The following RASGRP3 variants were observed in gnomAD, a reference collection of about 807,000 sequenced individuals.
RASGRP3 encodes RAS guanyl releasing protein 3, also known as ras guanyl-releasing protein 3.
RASGRP3 carries 54 observed loss-of-function variants against 82.7 expected under a neutral mutation model. The observed-to-expected ratio is 0.65, with a 90% confidence interval of 0.52 to 0.82. The LOEUF (loss-of-function observed/expected upper bound fraction) is 0.82. Among genes scored for constraint, RASGRP3 ranks in the 40% least tolerant of loss-of-function variants. The pLI is 0.00. For missense variants in RASGRP3, 861 were observed against 828.9 expected (o/e 1.04, Z -0.48); for synonymous variants, 309 against 300.5 (o/e 1.03, Z -0.29).
intron 15 of RASGRP3, among the ~76,000 whole-genome samples, chr2:33,557,950 A>C (rs1346529734): frequency 1.3e-5 from 2 of 152,146 alleles, no homozygotes; most frequent in African/African-American, 2.4e-5. Flanking sequence ...CTCCCTAGGC[A>C]CAATTGCTCA....
chr2:33,473,180 G>A (rs565570019), upstream of RASGRP3, among the ~76,000 whole-genome samples: 2 of 152,268 alleles, frequency 1.3e-5, no homozygotes, highest in East Asian at 1.9e-4. Context: ...GGCTAACATG[G>A]TGAAACCCCA....
intron 1 of RASGRP3, among the ~76,000 whole-genome samples, chr2:33,440,233 G>A (rs541324438): frequency 1.3e-5 from 2 of 152,214 alleles, no homozygotes; most frequent in South Asian, 2.1e-4. Context: ...AAATAAAAAC[G>A]ACAACATTTA....
chr2:33,517,206 A>G (rs1215458249), intron 4 of RASGRP3, among the ~76,000 whole-genome samples: 1 of 152,244 alleles, frequency 6.6e-6, no homozygotes, highest in Non-Finnish European at 1.5e-5. Context: ...CATGGTTAGA[A>G]ACACCATTCC....
chr2:33,554,463 G>A (rs559400740), intron 14 of RASGRP3, among the ~76,000 whole-genome samples: 87 of 152,138 alleles, frequency 5.7e-4, no homozygotes, highest in Non-Finnish European at 8.4e-4. Flanking sequence ...GCACAGAAGG[G>A]CATGGCAAGG....
chr2:33,537,328 C>CACA (rs61435746), intron 11 of RASGRP3, among the ~76,000 whole-genome samples: 2,203 of 66,418 alleles, frequency 0.033, 185 homozygotes, highest in East Asian at 0.064. Flanking sequence ...ACACCGCCCC[C>CACA]CCCACACACA....
intron 1 of RASGRP3, among the ~76,000 whole-genome samples, chr2:33,438,095 T>A (rs1665020592): frequency 6.6e-6 from 1 of 152,250 alleles, no homozygotes; most frequent in South Asian, 2.1e-4. Context: ...CAAAACAACG[T>A]TCACATTTGA....
chr2:33,453,059 G>T (rs1335505015), intron 2 of RASGRP3, among the ~76,000 whole-genome samples: 4 of 152,174 alleles, frequency 2.6e-5, no homozygotes, highest in African/African-American at 9.7e-5. Flanking sequence ...CCCCTTGGGG[G>T]AGGGATGATA....
intron 2 of RASGRP3, among the ~76,000 whole-genome samples, chr2:33,467,988 CTTTCTTTCTTTCTT>C (rs1293061304): frequency 3.8e-5 from 1 of 26,300 alleles, no homozygotes; most frequent in Non-Finnish European, 7.5e-5. Flanking sequence ...CTTTTTCTTT[CTTTCTTTCTTTCTT>C]TCTTTCTTTC....
At chr2:33,475,851 G>A (rs191295646), upstream of RASGRP3, among the ~76,000 whole-genome samples, 4 of 152,346 alleles carry the variant, frequency 2.6e-5, no homozygotes, top group East Asian at 3.9e-4. Flanking sequence ...GCAGTAGTGC[G>A]TCTGTAAAGC....
chr2:33,554,213 G>T (rs1457550757), intron 14 of RASGRP3, among the ~76,000 whole-genome samples: 3 of 152,086 alleles, frequency 2.0e-5, no homozygotes, highest in Non-Finnish European at 4.4e-5. Context: ...AGCGGGCCAT[G>T]CTGCCCACAT....
In RASGRP3 at chr2:33,552,277, G is replaced by T. The variant is rs62149028; in HGVS notation, c.1542+2526G>T. On this transcript the variant is annotated intron_variant, in intron 14 of 17. Transcript: ENST00000403687. ...TTGCCCTTGCTAACTCTATGTCCTT[G>T]ACCAAGTTATTCACCATCTTTGGGT... Among the ~76,000 whole-genome samples, 698 of 152,286 alleles carry T rather than the reference G, an allele frequency of 4.6e-3. 2 individuals are homozygous for T. Among genetic ancestry groups the T allele is most frequent in the Non-Finnish European group, 7.2e-3 (490 of 68,016 alleles).
chr2:33,550,600 G>T (rs1675262165), intron 14 of RASGRP3, among the ~76,000 whole-genome samples: 1 of 152,296 alleles, frequency 6.6e-6, no homozygotes, highest in South Asian at 2.1e-4. Flanking sequence ...GGGAAATGTG[G>T]TATTCCAGGT....
intron 6 of RASGRP3, 92 bp downstream of exon 6, chr2:33,520,776 C>A: frequency 6.6e-7 from 1 of 1,514,682 alleles, no homozygotes; most frequent in Non-Finnish European, 9.0e-7. Flanking sequence ...GTCCATCCCA[C>A]TCCTGAATCC....
rs537058064 is a variant in RASGRP3 at position 33,495,694 on chromosome 2, C to T, written c.-260-16016C>T. ...ACTGCTTGAGCCCAGGAATCTGAGACCAGTCAGGGAAACATAATGAGACTT... is the reference window on the plus strand; with the variant it reads ...ACTGCTTGAGCCCAGGAATCTGAGATCAGTCAGGGAAACATAATGAGACTT... On this transcript the variant is annotated intron_variant, in intron 1 of 17. Coordinates refer to ENST00000403687, the MANE Select transcript of RASGRP3 (RefSeq NM_001139488.2). Among the ~76,000 whole-genome samples, 6 of 152,212 alleles carry T rather than the reference C, an allele frequency of 3.9e-5. No individual in the cohort carries two copies. In the East Asian group the frequency reaches 1.2e-3, roughly 29 times the overall value.
At chr2:33,451,126 A>G (rs1435856247) in intron 2 of RASGRP3, among the ~76,000 whole-genome samples, 1 of 151,568 alleles carries the variant, frequency 6.6e-6, no homozygotes, top group Admixed American at 6.6e-5. Flanking sequence ...AGCCTCCCAA[A>G]GTGCTGGGAT....
chr2:33,510,589 G>T (rs1013604748), intron 1 of RASGRP3, among the ~76,000 whole-genome samples: 2 of 152,048 alleles, frequency 1.3e-5, no homozygotes, highest in Non-Finnish European at 1.5e-5. Flanking sequence ...CTACAAATTG[G>T]TCCTCTACTT....
At chr2:33,523,491 T>C (rs1432929978) in intron 7 of RASGRP3, among the ~76,000 whole-genome samples, 1 of 150,810 alleles carries the variant, frequency 6.6e-6, no homozygotes, top group African/African-American at 2.4e-5. Flanking sequence ...GATTCTTAGG[T>C]TTTTCTTCTG....
chr2:33,498,747 CTA>C (rs889607857), intron 1 of RASGRP3, among the ~76,000 whole-genome samples: 95 of 152,230 alleles, frequency 6.2e-4, no homozygotes, highest in African/African-American at 2.3e-3. Context: ...CAGCTCGGTT[CTA>C]TGAGTCACCT....
chr2:33,480,918 G>A (rs1304475184), intron 1 of RASGRP3, among the ~76,000 whole-genome samples: 1 of 152,110 alleles, frequency 6.6e-6, no homozygotes, highest in African/African-American at 2.4e-5. Flanking sequence ...CTCATCTTTG[G>A]TATTGAGAAG....
Sources: gnomAD v4.1 joint callset for allele counts (sites outside exome capture counted in the v4.1 genomes callset) on GRCh38, gnomAD v4.1.1 for gene constraint, MANE v1.5 for transcripts, NCBI Gene and HGNC (gene_info 2026-07-23, HGNC 2026-07-21) for gene names.